DIAPH3: variants seen among roughly 807,000 people sequenced by gnomAD.
DIAPH3 encodes the protein diaphanous related formin 3, also known as protein diaphanous homolog 3.
DIAPH3 carries 117 observed loss-of-function variants against 144.3 expected under a neutral mutation model. The observed-to-expected ratio is 0.81, with a 90% CI of 0.70 to 0.95. DIAPH3 has a LOEUF of 0.95. Among genes scored for constraint, DIAPH3 ranks in the 40% least tolerant of loss-of-function variants. The pLI, the probability that DIAPH3 is intolerant of heterozygous loss-of-function variation, is 0.00. For missense variants in DIAPH3, 1,421 were observed against 1,412.7 expected (o/e 1.01, Z -0.09); for synonymous variants, 519 against 488.9 (o/e 1.06, Z -0.81).
At chr13:60,086,329 T>C (rs1286552619) in intron 4 of DIAPH3, among the ~76,000 whole-genome samples, 1 of 152,156 alleles carries the variant, frequency 6.6e-6, no homozygotes, top group Non-Finnish European at 1.5e-5. Flanking sequence ...ATTTTAATTG[T>C]GCATACATAA....
At chr13:60,092,246 A>G (rs774583312) in intron 4 of DIAPH3, among the ~76,000 whole-genome samples, 1 of 152,116 alleles carries the variant, frequency 6.6e-6, no homozygotes, top group Non-Finnish European at 1.5e-5. Context: ...AAAACACCAG[A>G]GCTCTGATTC....
At chr13:59,842,408 C>T (rs2139789477) in intron 22 of DIAPH3, among the ~76,000 whole-genome samples, 1 of 152,240 alleles carries the variant, frequency 6.6e-6, no homozygotes, top group African/African-American at 2.4e-5. Context: ...TGGGAGGGAA[C>T]ATAGATTGTT....
intron 25 of DIAPH3, among the ~76,000 whole-genome samples, chr13:59,796,530 T>C (rs2039614044): frequency 6.6e-6 from 1 of 152,192 alleles, no homozygotes; most frequent in South Asian, 2.1e-4. Flanking sequence ...GTACCTTCCA[T>C]TCAGAAAATT....
chr13:59,993,417 A>G (rs972446906), intron 9 of DIAPH3, among the ~76,000 whole-genome samples: 2 of 151,714 alleles, frequency 1.3e-5, no homozygotes, highest in African/African-American at 4.8e-5. Context: ...ATCCAAGTCT[A>G]GCAAGAACTA....
chr13:59,708,640 C>T (rs1286328411), intron 27 of DIAPH3, among the ~76,000 whole-genome samples: 1 of 152,196 alleles, frequency 6.6e-6, no homozygotes, highest in African/African-American at 2.4e-5. Context: ...CCCAAATGTC[C>T]GTATGTTCCA....
At chr13:59,965,167 A>G (rs2140522602) in intron 17 of DIAPH3, among the ~76,000 whole-genome samples, 1 of 152,266 alleles carries the variant, frequency 6.6e-6, no homozygotes, top group South Asian at 2.1e-4. Context: ...GATGTCAGAA[A>G]TCTAAGCTTG....
chr13:59,722,735 A>T (rs1566222873), intron 27 of DIAPH3, among the ~76,000 whole-genome samples: 2 of 152,152 alleles, frequency 1.3e-5, no homozygotes, highest in South Asian at 4.1e-4. Flanking sequence ...ACTTCCTGTT[A>T]GGGAGTGGCA....
intron 17 of DIAPH3, among the ~76,000 whole-genome samples, chr13:59,927,825 T>C (rs2047828142): frequency 1.3e-5 from 2 of 152,216 alleles, no homozygotes; most frequent in Admixed American, 1.3e-4. Context: ...CTCTTTGCCT[T>C]TGCCTTTTGA....
chr13:60,062,878 C>T (rs2056825305), intron 4 of DIAPH3, among the ~76,000 whole-genome samples: 1 of 152,270 alleles, frequency 6.6e-6, no homozygotes, highest in African/African-American at 2.4e-5. Context: ...TTCAGCAAGT[C>T]CTATTTTTGC....
intron 17 of DIAPH3, among the ~76,000 whole-genome samples, chr13:59,932,935 G>C (rs2048090571): frequency 1.3e-5 from 2 of 152,166 alleles, no homozygotes; most frequent in Non-Finnish European, 2.9e-5. Context: ...TTCATATTGA[G>C]AGATAACAAA....
chr13:59,870,961 C>T (rs771966958), intron 21 of DIAPH3, among the ~76,000 whole-genome samples: 7 of 152,112 alleles, frequency 4.6e-5, no homozygotes, highest in African/African-American at 7.2e-5. Context: ...TGAGCCACCA[C>T]GCCTGGCCTT....
At chr13:59,688,535 A>T (rs1361046083) in intron 27 of DIAPH3, among the ~76,000 whole-genome samples, 2 of 152,036 alleles carry the variant, frequency 1.3e-5, no homozygotes, top group African/African-American at 4.8e-5. Flanking sequence ...AACCACCAAG[A>T]AGTTTAAGGT....
intron 24 of DIAPH3, among the ~76,000 whole-genome samples, chr13:59,821,328 C>T (rs536797613): frequency 7.9e-5 from 12 of 152,098 alleles, no homozygotes; most frequent in Non-Finnish European, 1.2e-4. Flanking sequence ...GGTTGTTTAA[C>T]CTTAATAAAA....
chr13:59,917,389 T>G (rs543653801), intron 18 of DIAPH3, among the ~76,000 whole-genome samples: 1 of 152,314 alleles, frequency 6.6e-6, no homozygotes, highest in African/African-American at 2.4e-5. Context: ...ATCTACTTCT[T>G]TTCTGTATTG....
intron 15 of DIAPH3, among the ~76,000 whole-genome samples, chr13:59,971,695 A>G (rs975552483): frequency 1.3e-5 from 2 of 152,220 alleles, no homozygotes; most frequent in African/African-American, 2.4e-5. Context: ...TGAGAAAACA[A>G]CAACAACAAC....
At chr13:60,038,908 TTTTTA>T in intron 5 of DIAPH3, among the ~76,000 whole-genome samples, 1 of 152,194 alleles carries the variant, frequency 6.6e-6, no homozygotes, top group East Asian at 1.9e-4. Context: ...GCTGTCTACC[TTTTTA>T]TGTTTCTACC....
chr13:59,699,241 C>A (rs773636038), intron 27 of DIAPH3, among the ~76,000 whole-genome samples: 11 of 152,170 alleles, frequency 7.2e-5, no homozygotes, highest in Non-Finnish European at 1.6e-4. Flanking sequence ...GTAGGCCTCT[C>A]TCACAAAGGG....
intron 27 of DIAPH3, among the ~76,000 whole-genome samples, chr13:59,702,970 T>A (rs1462030896): frequency 6.6e-6 from 1 of 152,198 alleles, no homozygotes; most frequent in Non-Finnish European, 1.5e-5. Flanking sequence ...CATCTCTCCA[T>A]TTGAAACTGT....
intron 25 of DIAPH3, among the ~76,000 whole-genome samples, chr13:59,790,001 T>C (rs899954626): frequency 2.0e-5 from 3 of 152,164 alleles, no homozygotes; most frequent in African/African-American, 4.8e-5. Context: ...GTTCAGGAAG[T>C]AGTTGGAAAT....
Sources: allele counts gnomAD v4.1 joint callset (sites outside exome capture counted in the v4.1 genomes callset), GRCh38; gene constraint gnomAD v4.1.1; transcripts MANE v1.5; gene names NCBI Gene and HGNC (gene_info 2026-07-23, HGNC 2026-07-21).